WDR7: variants seen among roughly 807,000 people sequenced by gnomAD.
WDR7 encodes WD repeat-containing protein 7.
In WDR7, 46 loss-of-function variants were observed where a neutral mutation model predicts 169.4. The observed-to-expected ratio is 0.27, with a 90% confidence interval of 0.21 to 0.35. WDR7 has a LOEUF of 0.35. Among genes scored for constraint, WDR7 ranks in the 10% least tolerant of loss-of-function variants. The probability of loss-of-function intolerance (pLI) is 1.00; values close to 1 mark genes in which losing one functional copy is unlikely to be tolerated. For missense variants in WDR7, 1,534 were observed against 1,859.3 expected (o/e 0.83, Z 3.22); for synonymous variants, 612 against 666.8 (o/e 0.92, Z 1.27).
At chr18:56,990,737 T>C (rs1293314639) in intron 26 of WDR7, among the ~76,000 whole-genome samples, 2 of 152,338 alleles carry the variant, frequency 1.3e-5, no homozygotes, top group African/African-American at 4.8e-5. Flanking sequence ...ATATATACCA[T>C]AGTTATTCTG....
intron 21 of WDR7, among the ~76,000 whole-genome samples, chr18:56,912,421 A>G (rs1044485988): frequency 6.6e-6 from 1 of 152,204 alleles, no homozygotes; most frequent in African/African-American, 2.4e-5. Context: ...GCACCAAATT[A>G]TCAGTAGCCA....
At chr18:56,948,811 A>T (rs1225107417) in intron 25 of WDR7, among the ~76,000 whole-genome samples, 2 of 152,146 alleles carry the variant, frequency 1.3e-5, no homozygotes, top group Non-Finnish European at 2.9e-5. Context: ...GTGCACTCTT[A>T]CACAGGCTTA....
intron 21 of WDR7, among the ~76,000 whole-genome samples, chr18:56,914,323 G>A (rs1025140512): frequency 6.6e-6 from 1 of 152,160 alleles, no homozygotes; most frequent in Non-Finnish European, 1.5e-5. Context: ...TTTCTTCACA[G>A]CACTTAGTGC....
intron 14 of WDR7, among the ~76,000 whole-genome samples, chr18:56,751,601 CT>C (rs2043793944): frequency 6.6e-6 from 1 of 152,134 alleles, no homozygotes; most frequent in Non-Finnish European, 1.5e-5. Flanking sequence ...GATATTTTAT[CT>C]TTTGCTGTGA....
rs182303834 is a variant in WDR7, at chr18:56,914,528, C to A, written c.3527-9394C>A. On this transcript the variant is annotated intron_variant, in intron 21 of 27. Transcript: ENST00000254442. ...AACTGAAACCTGGCTGTTCTCTTGT[C>A]TGTCTCCCTTCCTCCCTCCTTCCAT... Among the ~76,000 whole-genome samples, 41 of 152,316 alleles carry A rather than the reference C, an allele frequency of 2.7e-4. No individual in the cohort carries two copies. The East Asian group carries it at 7.1e-3, about 27-fold the overall frequency.
At chr18:56,928,068 G>A (rs777455209) in intron 22 of WDR7, among the ~76,000 whole-genome samples, 7 of 152,176 alleles carry the variant, frequency 4.6e-5, no homozygotes, top group Non-Finnish European at 8.8e-5. Context: ...GTAGGAAAGC[G>A]CAGGCATGCC....
At chr18:56,671,517 C>T (rs1217614026) in intron 1 of WDR7, among the ~76,000 whole-genome samples, 1 of 152,064 alleles carries the variant, frequency 6.6e-6, no homozygotes, top group African/African-American at 2.4e-5. Flanking sequence ...GTGATCCACC[C>T]ACCTTGGCCT....
At chr18:56,670,929 T>G (rs561446918) in intron 1 of WDR7, among the ~76,000 whole-genome samples, 8 of 152,348 alleles carry the variant, frequency 5.3e-5, no homozygotes, top group Middle Eastern at 6.8e-3. Flanking sequence ...TTTCTTTGAC[T>G]ATTCCAGTCT....
At chr18:56,741,675 C>A (rs1007039897) in intron 14 of WDR7, among the ~76,000 whole-genome samples, 2 of 152,172 alleles carry the variant, frequency 1.3e-5, no homozygotes, top group Non-Finnish European at 2.9e-5. Flanking sequence ...CTCAGGGTAC[C>A]TTTCCACCAA....
intron 20 of WDR7, among the ~76,000 whole-genome samples, chr18:56,819,613 A>C (rs2145229614): frequency 6.6e-6 from 1 of 152,314 alleles, no homozygotes; most frequent in Non-Finnish European, 1.5e-5. Context: ...ATTTCATATT[A>C]AAACCTATTC....
intron 16 of WDR7, 114 bp from the exon 17 acceptor site, chr18:56,776,668 A>G (rs1800510477): frequency 1.2e-6 from 1 of 816,316 alleles, no homozygotes; most frequent in Admixed American, 1.9e-5. Context: ...TTTCAGTTCT[A>G]CATTCTCTGT....
At chr18:56,988,968 T>C (rs1221368704) in intron 26 of WDR7, among the ~76,000 whole-genome samples, 1 of 152,032 alleles carries the variant, frequency 6.6e-6, no homozygotes, top group Non-Finnish European at 1.5e-5. Context: ...TCTGATTTGG[T>C]ATTTAACAGA....
intron 20 of WDR7, among the ~76,000 whole-genome samples, chr18:56,867,148 C>G (rs577851895): frequency 6.6e-6 from 1 of 152,248 alleles, no homozygotes; most frequent in African/African-American, 2.4e-5. Context: ...TCTCAGCCTC[C>G]TGAGCAGCTG....
At chr18:56,711,642 T>C (rs1164351588) in intron 12 of WDR7, among the ~76,000 whole-genome samples, 5 of 152,162 alleles carry the variant, frequency 3.3e-5, no homozygotes, top group Non-Finnish European at 7.4e-5. Flanking sequence ...AATCGGTGTT[T>C]TGGCTGGACC....
chr18:57,010,306 G>A (rs1003282838), intron 26 of WDR7: 40 of 983,066 alleles, frequency 4.1e-5, no homozygotes, highest in African/African-American at 5.2e-5. Context: ...CATATGAGCA[G>A]TGTAAATATT....
chr18:56,905,099 T>G (rs1328747841), intron 21 of WDR7, among the ~76,000 whole-genome samples: 1 of 152,172 alleles, frequency 6.6e-6, no homozygotes. Flanking sequence ...ATAAGGAACT[T>G]GTAGACTGTA....
chr18:56,948,019 A>G (rs73958715), intron 25 of WDR7, among the ~76,000 whole-genome samples: 18,272 of 152,064 alleles, frequency 0.12, 3,516 homozygotes, highest in African/African-American at 0.41. Flanking sequence ...GGCGTAATGC[A>G]TGACAAATAA....
intron 12 of WDR7, 124 bp from the exon 13 acceptor site, chr18:56,717,840 A>G: frequency 1.2e-6 from 1 of 820,800 alleles, no homozygotes; most frequent in Non-Finnish European, 1.8e-6. Flanking sequence ...AACATGACCT[A>G]ATATTGTGGT....
At chr18:56,837,397 C>A (rs887058107) in intron 20 of WDR7, among the ~76,000 whole-genome samples, 2 of 152,130 alleles carry the variant, frequency 1.3e-5, no homozygotes, top group Non-Finnish European at 2.9e-5. Flanking sequence ...CTGTCATCAC[C>A]AACAAGTTTA....
Sources: gnomAD v4.1 joint callset for allele counts (sites outside exome capture counted in the v4.1 genomes callset) on GRCh38, gnomAD v4.1.1 for gene constraint, MANE v1.5 for transcripts, NCBI Gene and HGNC (gene_info 2026-07-23, HGNC 2026-07-21) for gene names.